The following RBFA variants were observed in gnomAD, a reference collection of about 807,000 sequenced individuals.
The protein encoded by RBFA is ribosome binding factor A.
In RBFA, 16 loss-of-function variants were observed where a neutral mutation model predicts 27.9. The observed-to-expected ratio is 0.57, with a 90% CI of 0.39 to 0.87. The LOEUF is 0.87. RBFA is among the 40% of genes least tolerant of loss of function. RBFA has a pLI of 0.00. For synonymous variants in RBFA, 181 were observed against 181.0 expected (o/e 1.00, Z 0.00); for missense variants, 456 against 432.1 (o/e 1.06, Z -0.49).
rs954532292 is a variant in RBFA, at chr18:80,047,763, C to G, written c.*1608C>G. ...ACACCACACATAAAGGCTGATGCCT[C>G]TGTTACACCGTGAGCCAAATGTTTA... On this transcript the variant is annotated 3_prime_UTR_variant, in exon 7 of 7. Coordinates refer to ENST00000306735, the MANE Select transcript of RBFA (RefSeq NM_024805.3). Among the ~76,000 whole-genome samples, 2 of 152,232 alleles carry G rather than the reference C, an allele frequency of 1.3e-5. No individual in the cohort carries two copies. The highest frequency in any genetic ancestry group is 1.3e-4 in the Admixed American group (2 of 15,282).
In RBFA at chr18:80,039,822, T is replaced by A. The variant is rs572458661; in HGVS notation, c.491+1205T>A. 1.3e-3 allele frequency among the ~76,000 whole-genome samples: 202 copies of A among 152,354 alleles called. 1 individual carries two copies. Among genetic ancestry groups the A allele is most frequent in the Non-Finnish European group, 1.2e-3 (79 of 68,026 alleles). ...ACAAAACCATACGCTGAGAGATCAA[T>A]TCAAAGTGTGAGCCAGATGGTGAGT... On this transcript the variant is annotated intron_variant, in intron 4 of 6. Transcript: ENST00000306735.
rs574358143 is a variant in RBFA, at chr18:80,046,625, C to G, written c.*470C>G. 1.3e-5 allele frequency among the ~76,000 whole-genome samples: 2 copies of G among 152,226 alleles called. No individual in the cohort carries two copies. Among genetic ancestry groups the G allele is most frequent in the East Asian group, 3.9e-4 (2 of 5,174 alleles). On this transcript the variant is annotated 3_prime_UTR_variant, in exon 7 of 7. Coordinates refer to ENST00000306735, the MANE Select transcript of RBFA (RefSeq NM_024805.3). The stretch of plus-strand genomic sequence containing the variant: ...TGGCACGTGGCGCCGGGGGCTCCAT[C>G]CCTGGGGCTGCTGGGTCGGCACGTG...
intron 5 of RBFA, 79 bp downstream of exon 5, chr18:80,042,298 C>A: frequency 1.1e-6 from 1 of 884,454 alleles, no homozygotes; most frequent in South Asian, 2.0e-5. Flanking sequence ...CTATATTGTC[C>A]AGGCTAGTCT....
rs146546640 is a variant in RBFA, at chr18:80,045,896, G to T, written c.773G>T (p.Gly258Val). 4,048 of 1,612,076 alleles carry T rather than the reference G, an allele frequency of 2.5e-3. 12 individuals carry two copies. The highest frequency in any genetic ancestry group is 7.8e-3 in the Middle Eastern group (47 of 6,042). ...IMEYKRRKDK[G>V]LGGLVWQGQV... The stretch of plus-strand genomic sequence containing the variant: ...GAGTACAAAAGGAGGAAAGATAAAG[G>T]GCTCGGGGGCCTGGTGTGGCAGGGG... The change falls in exon 7 of 7, where the codon GGG becomes GTG. Residue 258 changes from glycine (G) to valine (V), a missense_variant. Transcript: ENST00000306735.
chr18:80,037,295 G>T, intron 2 of RBFA, 35 bp from the exon 3 acceptor site: 1 of 1,594,318 alleles, frequency 6.3e-7, no homozygotes, highest in South Asian at 1.1e-5. Context: ...GAGTTGTAAC[G>T]CTGCCCTTGG....
intron 2 of RBFA, among the ~76,000 whole-genome samples, chr18:80,037,057 G>A (rs936665640): frequency 9.9e-5 from 15 of 152,134 alleles, no homozygotes; most frequent in Admixed American, 8.5e-4. Flanking sequence ...CCTTTAGCAC[G>A]GTGAACTTTA....
intron 3 of RBFA, among the ~76,000 whole-genome samples, chr18:80,038,115 G>C (rs2145143605): frequency 6.6e-6 from 1 of 152,338 alleles, no homozygotes; most frequent in African/African-American, 2.4e-5. Context: ...GGATGCATCT[G>C]CATGTACCTC....
chr18:80,036,259 A>T (rs955491342), intron 1 of RBFA, among the ~76,000 whole-genome samples: 2 of 152,146 alleles, frequency 1.3e-5, no homozygotes, highest in Non-Finnish European at 2.9e-5. Context: ...TCGCACTCCA[A>T]TGGTGAGCGT....
At chr18:80,038,648 CT>C in intron 4 of RBFA, 31 bp downstream of exon 4, 1 of 1,509,692 alleles carries the variant, frequency 6.6e-7, no homozygotes, top group Admixed American at 1.8e-5. Context: ...AATGTACTTG[CT>C]TTTTGCTCAT....
At chr18:80,041,053 G>A (rs1239502617) in intron 4 of RBFA, among the ~76,000 whole-genome samples, 2 of 152,168 alleles carry the variant, frequency 1.3e-5, no homozygotes, top group Admixed American at 6.5e-5. Context: ...GGGGACAGAC[G>A]TAGAAAAGGT....
chr18:80,044,455 G>C (rs2052037172), intron 6 of RBFA, among the ~76,000 whole-genome samples, 170 bp downstream of exon 6: 1 of 152,210 alleles, frequency 6.6e-6, no homozygotes, highest in Non-Finnish European at 1.5e-5. Flanking sequence ...CTGTGGCCTG[G>C]CCACGTTTAC....
chr18:80,047,538 TC>T lies in RBFA; in HGVS notation c.*1384del, dbSNP rs1359980833. On this transcript the variant is annotated 3_prime_UTR_variant, in exon 7 of 7. Transcript: ENST00000306735. The stretch of plus-strand genomic sequence containing the variant: ...CATCAAATGGCAGAAGCAAGATTTT[TC>T]TTTTGAGATCTAGGAAATTATTTGT... The T allele has an allele frequency of 1.3e-5, 2 of 152,258 alleles. No individual in the cohort carries two copies. Among genetic ancestry groups the T allele is most frequent in the Non-Finnish European group, 2.9e-5 (2 of 68,048 alleles). The allele number at this position is 152,258 out of a possible 1,614,324, so 9.4% of individuals were successfully genotyped here. A position where few individuals can be genotyped will look rare whatever the true frequency, so the allele number is the denominator to read the frequency against.
Position 80,042,193 on chromosome 18 carries a change from G to C in RBFA, c.550G>C (p.Asp184His), listed in dbSNP as rs1328541382. 1.2e-6 allele frequency: 2 copies of C among 1,609,392 alleles called. No individual in the cohort carries two copies. The highest frequency in any genetic ancestry group is 1.7e-5 in the Admixed American group (1 of 59,732). The change falls in exon 5 of 7, where the codon GAC (aspartate) becomes CAC (histidine). Residue 184 changes from aspartate (D) to histidine (H), a missense_variant. Physicochemically the swap from Asp to His is moderately conservative, Grantham distance 81. Transcript: ENST00000306735. ...RNVPPIVFVQ[D>H]KGNAALAELD... is the part of the protein sequence containing the mutation. The stretch of plus-strand genomic sequence containing the variant: ...TGTGCCACCGATAGTGTTTGTTCAA[G>C]ACAAGGGAAATGCAGCTCTAGCTGA...
chr18:80,034,729 A>G (rs1037713995), intron 1 of RBFA, 76 bp downstream of exon 1: 14 of 1,571,734 alleles, frequency 8.9e-6, no homozygotes, highest in East Asian at 4.9e-5. Flanking sequence ...GTGTCCGCTC[A>G]TCCGCGTTCT....
rs775581062 is a variant in RBFA, at chr18:80,044,224, C to T, written c.589C>T (p.Leu197=). 2 of 1,614,154 alleles carry T rather than the reference C, an allele frequency of 1.2e-6. No individual in the cohort carries two copies. Among genetic ancestry groups the T allele is most frequent in the East Asian group, 2.2e-5 (1 of 44,878 alleles). ...TGTTCCTCTGTAGCTTGATCAGTTA[C>T]TGGCAGTCGCAGACTTTGGACCCCG... ...NAALAELDQL[L]AVADFGPRDE... is the part of the protein sequence containing the mutation. The change falls in exon 6 of 7, where the codon CTG becomes TTG. Residue 197 remains leucine (L), a synonymous_variant. Transcript: ENST00000306735.
chr18:80,039,627 A>G (rs574720113), intron 4 of RBFA, among the ~76,000 whole-genome samples: 1 of 152,344 alleles, frequency 6.6e-6, no homozygotes, highest in African/African-American at 2.4e-5. Flanking sequence ...ATTTTAGGAA[A>G]CTTGTATTCA....
chr18:80,044,776 A>G (rs1256143404), intron 6 of RBFA, among the ~76,000 whole-genome samples: 3 of 152,378 alleles, frequency 2.0e-5, no homozygotes, highest in South Asian at 4.1e-4. Flanking sequence ...TTTTCCAAAC[A>G]TGTAGTGCCT....
chr18:80,045,672 G>A (rs960488718), intron 6 of RBFA, 102 bp from the exon 7 acceptor site: 5 of 1,339,358 alleles, frequency 3.7e-6, no homozygotes, highest in Non-Finnish European at 5.0e-6. Context: ...GTTCTCAGGC[G>A]AGTAGATGTA....
In RBFA at chr18:80,046,976, AAC is replaced by A. The variant is rs1457887501; in HGVS notation, c.*825_*826del. Reference sequence around the variant, plus strand: ...CGTTTTGCTGTTTATCAGAAGAGAAAACACAGATTCCATACCTTGTCAGCTCC... The same window carrying A: ...CGTTTTGCTGTTTATCAGAAGAGAAAACAGATTCCATACCTTGTCAGCTCC... On this transcript the variant is annotated 3_prime_UTR_variant, in exon 7 of 7. Transcript: ENST00000306735. 2 of 152,342 alleles carry A rather than the reference AAC, an allele frequency of 1.3e-5. No individual in the cohort carries two copies. The highest frequency in any genetic ancestry group is 2.4e-5 in the African/African-American group (1 of 41,440). The allele number at this position is 152,342 out of a possible 1,614,324, so 9.4% of individuals were successfully genotyped here.
Sources: gnomAD v4.1 joint callset for allele counts (sites outside exome capture counted in the v4.1 genomes callset) on GRCh38, gnomAD v4.1.1 for gene constraint, MANE v1.5 for transcripts, NCBI Gene and HGNC (gene_info 2026-07-23, HGNC 2026-07-21) for gene names.